Variants in C10orf90 observed in about 807,000 individuals in gnomAD.
C10orf90 encodes the protein (E2-independent) E3 ubiquitin-conjugating enzyme FATS.
A neutral mutation model predicts 62.5 loss-of-function variants in C10orf90; 56 were observed. The observed-to-expected ratio is 0.90, with a 90% confidence interval of 0.72 to 1.12. The LOEUF is 1.12. Ranked by LOEUF, C10orf90 falls within the 50% of genes most tolerant of loss-of-function variation. The pLI is 0.00. For synonymous variants in C10orf90, 386 were observed against 340.4 expected (o/e 1.13, Z -1.47); for missense variants, 970 against 880.4 (o/e 1.10, Z -1.29).
At chr10:126,531,911 T>C (rs1864105983) in intron 2 of C10orf90, among the ~76,000 whole-genome samples, 1 of 152,200 alleles carries the variant, frequency 6.6e-6, no homozygotes, top group Admixed American at 6.5e-5. Flanking sequence ...GGATGTATAA[T>C]GAACCCCTAC....
At chr10:126,564,671 C>G (rs1411304976) in intron 2 of C10orf90, among the ~76,000 whole-genome samples, 1 of 147,302 alleles carries the variant, frequency 6.8e-6, no homozygotes, top group Non-Finnish European at 1.5e-5. Context: ...AGACACACGA[C>G]TGGCTTTGGG....
At chr10:126,466,034 T>TC (rs113284947) in intron 4 of C10orf90, among the ~76,000 whole-genome samples, 85,310 of 151,620 alleles carry the variant, frequency 0.56, 24,067 homozygotes, top group South Asian at 0.67. Context: ...TTTGTACTCT[T>TC]GATTTTTTTA....
chr10:126,452,448 C>G (rs1859260489), intron 7 of C10orf90, among the ~76,000 whole-genome samples: 1 of 152,088 alleles, frequency 6.6e-6, no homozygotes, highest in Admixed American at 6.6e-5. Context: ...ATGCTTGTTG[C>G]CAAGTAGATT....
intron 1 of C10orf90, among the ~76,000 whole-genome samples, chr10:126,664,740 T>G (rs949679560): frequency 1.1e-4 from 17 of 152,226 alleles, no homozygotes; most frequent in Non-Finnish European, 5.9e-5. Flanking sequence ...ACTTGACCTC[T>G]CATTAAATAC....
intron 3 of C10orf90, among the ~76,000 whole-genome samples, chr10:126,506,580 C>T (rs1401438476): frequency 2.0e-5 from 3 of 152,218 alleles, no homozygotes; most frequent in Non-Finnish European, 1.5e-5. Flanking sequence ...GCAAGTTCCC[C>T]AGACCCCAGA....
intron 4 of C10orf90, among the ~76,000 whole-genome samples, chr10:126,494,505 G>T (rs1861934390): frequency 6.6e-6 from 1 of 152,132 alleles, no homozygotes; most frequent in Non-Finnish European, 1.5e-5. Context: ...AAAAAAGAAA[G>T]AATTTAGATT....
chr10:126,447,754 A>T (rs1173003678), intron 7 of C10orf90, among the ~76,000 whole-genome samples: 2 of 152,224 alleles, frequency 1.3e-5, no homozygotes, highest in African/African-American at 4.8e-5. Flanking sequence ...TACATAGAAC[A>T]TTCTTCAGAA....
chr10:126,542,986 G>T (rs1864412124), intron 2 of C10orf90, among the ~76,000 whole-genome samples: 1 of 152,146 alleles, frequency 6.6e-6, no homozygotes, highest in African/African-American at 2.4e-5. Flanking sequence ...TTTAAAAACT[G>T]TCAAATGTGT....
intron 2 of C10orf90, among the ~76,000 whole-genome samples, chr10:126,646,072 T>C (rs551322243): frequency 6.6e-6 from 1 of 152,338 alleles, no homozygotes; most frequent in Non-Finnish European, 1.5e-5. Context: ...GGAGCTGGTT[T>C]TCACATCATT....
chr10:126,596,933 A>G (rs1845099051), intron 2 of C10orf90, among the ~76,000 whole-genome samples: 1 of 152,222 alleles, frequency 6.6e-6, no homozygotes, highest in Admixed American at 6.5e-5. Flanking sequence ...CAAATGACAA[A>G]TAGGCACACA....
intron 4 of C10orf90, among the ~76,000 whole-genome samples, chr10:126,471,045 G>A (rs1860559667): frequency 6.6e-6 from 1 of 152,176 alleles, no homozygotes; most frequent in Admixed American, 6.5e-5. Flanking sequence ...TGGCATTGCA[G>A]CCCAGGAAGG....
At chr10:126,575,656 T>C (rs564058499) in intron 2 of C10orf90, among the ~76,000 whole-genome samples, 1 of 151,574 alleles carries the variant, frequency 6.6e-6, no homozygotes, top group Admixed American at 6.6e-5. Context: ...AGGCTGGAGG[T>C]ATCAGACTAT....
chr10:126,492,290 G>A (rs1340228081), intron 4 of C10orf90, among the ~76,000 whole-genome samples: 2 of 152,198 alleles, frequency 1.3e-5, no homozygotes, highest in Admixed American at 1.3e-4. Context: ...GTAGAGGCCA[G>A]GGATGTTGCC....
At chr10:126,436,212 C>T (rs889224013) in intron 7 of C10orf90, among the ~76,000 whole-genome samples, 1 of 152,150 alleles carries the variant, frequency 6.6e-6, no homozygotes. Context: ...TGAATCCCAG[C>T]GGAGGACTCC....
intron 2 of C10orf90, among the ~76,000 whole-genome samples, chr10:126,592,727 A>G (rs2842168): frequency 1 from 151,807 of 152,286 alleles, 75,667 homozygotes; most frequent in Middle Eastern, 1. Context: ...TCTGTACAGC[A>G]AAAGAAACCA....
intron 4 of C10orf90, among the ~76,000 whole-genome samples, chr10:126,480,239 G>A (rs1316700863): frequency 6.6e-6 from 1 of 152,196 alleles, no homozygotes; most frequent in African/African-American, 2.4e-5. Flanking sequence ...CGTTTAAAGT[G>A]TGATAAAATG....
At chr10:126,448,342 AAC>A (rs1246967263) in intron 7 of C10orf90, among the ~76,000 whole-genome samples, 4 of 152,202 alleles carry the variant, frequency 2.6e-5, no homozygotes, top group African/African-American at 7.2e-5. Flanking sequence ...CAAAAATGGA[AAC>A]ACAATATGCT....
chr10:126,512,404 C>CTGTGTGTGTG lies in C10orf90; in HGVS notation c.405+1443_405+1444insCACACACACA, dbSNP rs1378076687. 5.8e-3 allele frequency among the ~76,000 whole-genome samples: 125 copies of CTGTGTGTGTG among 21,582 alleles called. 1 individual carries two copies. Among genetic ancestry groups the CTGTGTGTGTG allele is most frequent in the African/African-American group, 9.3e-3 (114 of 12,310 alleles). 14.2% of individuals were successfully genotyped at this position (21,582 alleles called of 152,430 possible). A position where few individuals can be genotyped will look rare whatever the true frequency, so the allele number is the denominator to read the frequency against. ...TGTGTGTCTGTGTGTGTGTGTGTGT[C>CTGTGTGTGTG]TGTGTGTCTGTGTGTGTGTGTGTGT... On this transcript the variant is annotated intron_variant, in intron 3 of 9. Coordinates refer to ENST00000488181, the MANE Select transcript of C10orf90 (RefSeq NM_001350921.2).
rs527849172 is a variant in C10orf90 at position 126,546,296 on chromosome 10, C to CCTAACCTAA, written c.314-32366_314-32358dup. Among the ~76,000 whole-genome samples the CCTAACCTAA allele has an allele frequency of 8.5e-4, 130 of 152,328 alleles. No homozygotes were observed. The Middle Eastern group carries it at 0.01, about 12-fold the overall frequency. ...CACTTGTGAGGCTAGAAAGAAGCAC[C>CCTAACCTAA]CTAACCTAACTGGCAGGGTGGGGTC... On this transcript the variant is annotated intron_variant, in intron 2 of 9. Transcript: ENST00000488181.
Sources: allele counts gnomAD v4.1 joint callset (sites outside exome capture counted in the v4.1 genomes callset), GRCh38; gene constraint gnomAD v4.1.1; transcripts MANE v1.5; gene names NCBI Gene and HGNC (gene_info 2026-07-23, HGNC 2026-07-21).